CCDC125: variants seen among roughly 807,000 people sequenced by gnomAD.
CCDC125 encodes the protein coiled-coil domain-containing protein 125.
In CCDC125, 43 loss-of-function variants were observed where a neutral mutation model predicts 57.4. The ratio of observed to expected loss-of-function variants is 0.75; its 90% CI spans 0.59 to 0.97. The LOEUF is 0.97. Ranked by LOEUF, CCDC125 falls within the 50% of genes least tolerant of loss-of-function variation. The probability of loss-of-function intolerance (pLI) is 0.00; values close to 1 mark genes in which losing one functional copy is unlikely to be tolerated. For missense variants in CCDC125, 563 were observed against 595.7 expected (o/e 0.95, Z 0.57); for synonymous variants, 187 against 195.2 (o/e 0.96, Z 0.35).
At chr5:69,278,677 A>G (rs148638690), downstream of CCDC125, among the ~76,000 whole-genome samples, 233 of 147,534 alleles carry the variant, frequency 1.6e-3, 1 homozygote, top group African/African-American at 5.7e-3. Context: ...TCAAAATTGT[A>G]TATAAATTGA....
intron 8 of CCDC125, among the ~76,000 whole-genome samples, chr5:69,299,290 T>C (rs568170574): frequency 2.4e-4 from 37 of 152,118 alleles, no homozygotes; most frequent in East Asian, 1.9e-4. Context: ...TTTGTATTTT[T>C]AGTAGAGACA....
chr5:69,328,783 C>T (rs1477426958), intron 1 of CCDC125, among the ~76,000 whole-genome samples: 2 of 151,328 alleles, frequency 1.3e-5, no homozygotes, highest in Non-Finnish European at 2.9e-5. Context: ...TTCCTTCATA[C>T]TTTATACGTT....
chr5:69,299,374 G>A (rs1212218821), intron 8 of CCDC125, among the ~76,000 whole-genome samples: 1 of 152,172 alleles, frequency 6.6e-6, no homozygotes, highest in African/African-American at 2.4e-5. Flanking sequence ...TTCCCAAAGC[G>A]CTGGGATTAC....
In CCDC125 at chr5:69,307,246, C is replaced by A. The variant is rs139917996; in HGVS notation, c.532-344G>T. Among the ~76,000 whole-genome samples, 170 of 152,066 alleles carry A rather than the reference C, an allele frequency of 1.1e-3. 1 individual carries two copies. The East Asian group carries it at 0.03, about 27-fold the overall frequency. The stretch of plus-strand genomic sequence containing the variant: ...TCCTGGAAATCTTAACTCAATGGTC[C>A]CATCAAGGGAGAACACACCAAGCAC... On this transcript the variant is annotated intron_variant, in intron 5 of 11. Transcript: ENST00000396496.
downstream of CCDC125, among the ~76,000 whole-genome samples, chr5:69,275,196 G>A (rs1443509610): frequency 6.6e-6 from 1 of 152,072 alleles, no homozygotes. Context: ...GAAAAAAAGA[G>A]AAAATGTATT....
chr5:69,313,960 T>G, intron 3 of CCDC125, 25 bp downstream of exon 3: 1 of 1,553,918 alleles, frequency 6.4e-7, no homozygotes, highest in Non-Finnish European at 8.9e-7. Context: ...AAACTGATAA[T>G]TTTTATATTA....
At chr5:69,330,240 C>A (rs180923304) in intron 1 of CCDC125, among the ~76,000 whole-genome samples, 20 of 152,266 alleles carry the variant, frequency 1.3e-4, no homozygotes, top group African/African-American at 4.6e-4. Flanking sequence ...GCTTCTTTTA[C>A]TAATCTTAAA....
chr5:69,283,116 TATC>T (rs1752686463), intron 11 of CCDC125, 82 bp from the exon 12 acceptor site: 3 of 1,150,640 alleles, frequency 2.6e-6, no homozygotes, highest in Admixed American at 2.7e-5. Flanking sequence ...TGTACTATTT[TATC>T]AAGTTATTCA....
chr5:69,286,225 T>TATATAA (rs1554071414), intron 10 of CCDC125, among the ~76,000 whole-genome samples: 44 of 111,424 alleles, frequency 3.9e-4, no homozygotes, highest in African/African-American at 1.5e-3. Context: ...TATATATATA[T>TATATAA]ATATATATAA....
chr5:69,315,150 A>G (rs1408455603), intron 2 of CCDC125, among the ~76,000 whole-genome samples: 1 of 151,772 alleles, frequency 6.6e-6, no homozygotes, highest in Non-Finnish European at 1.5e-5. Context: ...CAGCTACTCA[A>G]GAGGCTGAGG....
chr5:69,332,276 C>T (rs1036239976), intron 1 of CCDC125, among the ~76,000 whole-genome samples: 1 of 152,220 alleles, frequency 6.6e-6, no homozygotes, highest in Admixed American at 6.5e-5. Flanking sequence ...ACCCAAATTC[C>T]TCTAATGTCA....
chr5:69,294,988 T>C, intron 8 of CCDC125, 88 bp from the exon 9 acceptor site: 1 of 1,024,126 alleles, frequency 9.8e-7, no homozygotes, highest in Non-Finnish European at 1.5e-6. Flanking sequence ...CACATACCCA[T>C]GCACACTACT....
At chr5:69,305,089 A>C (rs1757123671) in intron 6 of CCDC125, among the ~76,000 whole-genome samples, 1 of 152,172 alleles carries the variant, frequency 6.6e-6, no homozygotes, top group Non-Finnish European at 1.5e-5. Context: ...CATAGGGTAC[A>C]CCCATGTTCA....
intron 1 of CCDC125, among the ~76,000 whole-genome samples, chr5:69,325,951 C>CT (rs1490600321): frequency 6.6e-6 from 1 of 151,516 alleles, no homozygotes; most frequent in East Asian, 1.9e-4. Context: ...TCAAGTGATT[C>CT]TCCCACCTCA....
intron 4 of CCDC125, chr5:69,310,314 G>A (rs1184965213): frequency 6.6e-6 from 1 of 152,318 alleles, no homozygotes; most frequent in Admixed American, 6.5e-5. Context: ...GACCCAGTGG[G>A]AGATAGTTTG....
intron 10 of CCDC125, among the ~76,000 whole-genome samples, chr5:69,290,460 A>G (rs1405351896): frequency 6.7e-6 from 1 of 149,500 alleles, no homozygotes; most frequent in Admixed American, 6.7e-5. Flanking sequence ...GTGCCATCAC[A>G]CCCAGCTAAT....
At chr5:69,318,346 C>G (rs996339799) in intron 2 of CCDC125, among the ~76,000 whole-genome samples, 1 of 151,974 alleles carries the variant, frequency 6.6e-6, no homozygotes, top group Admixed American at 6.6e-5. Flanking sequence ...ACTCAGGAGA[C>G]TGAGGCAAGA....
downstream of CCDC125, among the ~76,000 whole-genome samples, chr5:69,275,801 C>A (rs7716060): frequency 6.6e-6 from 1 of 152,052 alleles, no homozygotes; most frequent in Non-Finnish European, 1.5e-5. Context: ...TAGCAAGACC[C>A]CATTCTCCAC....
chr5:69,277,461 T>G, downstream of CCDC125: 1 of 199,524 alleles, frequency 5.0e-6, no homozygotes, highest in African/African-American at 2.3e-5. Flanking sequence ...TGTAGTAGCA[T>G]GGGTAGTGTT....
Sources: gnomAD v4.1 joint callset for allele counts (sites outside exome capture counted in the v4.1 genomes callset) on GRCh38, gnomAD v4.1.1 for gene constraint, MANE v1.5 for transcripts, NCBI Gene and HGNC (gene_info 2026-07-23, HGNC 2026-07-21) for gene names.